PFKFB1: variants seen among roughly 807,000 people sequenced by gnomAD.
PFKFB1 encodes the protein 6-phosphofructo-2-kinase/fructose-2,6-bisphosphatase 1.
Under a neutral mutation model 46.4 loss-of-function variants are expected in PFKFB1, and 34 were observed. That is an observed-to-expected ratio of 0.73 (90% confidence interval 0.56 to 0.98). The LOEUF (loss-of-function observed/expected upper bound fraction) is 0.98, where lower values mean the gene tolerates loss of function less well. PFKFB1 is among the 50% of genes least tolerant of loss of function. PFKFB1 has a pLI of 0.00. For synonymous variants in PFKFB1, 119 were observed against 133.8 expected, an observed-to-expected ratio of 0.89 and a Z score of 0.76; for missense variants, 393 against 376.3, an observed-to-expected ratio of 1.04 and a Z score of -0.37.
At chrX:54,937,571 C>T (rs377097842) in intron 11 of PFKFB1, 24 bp downstream of exon 11, 18 of 1,193,126 alleles carry the variant, frequency 1.5e-5, no homozygotes, top group Non-Finnish European at 1.9e-5. Flanking sequence ...TCAAACATTC[C>T]CAAAGCAGAG....
chrX:54,935,263 C>T (rs971731566), intron 11 of PFKFB1, among the ~76,000 whole-genome samples: 3 of 111,800 alleles, frequency 2.7e-5, no homozygotes, highest in Non-Finnish European at 3.8e-5. Context: ...AGGGTTGGGC[C>T]GGCCACCCTG....
At chrX:54,991,989 A>G (rs1935254124) in intron 1 of PFKFB1, among the ~76,000 whole-genome samples, 1 of 112,290 alleles carries the variant, frequency 8.9e-6, no homozygotes, top group Non-Finnish European at 1.9e-5. Context: ...CAGACCTTAC[A>G]GGGACCAATA....
chrX:54,984,308 T>C (rs1935064268), intron 1 of PFKFB1, among the ~76,000 whole-genome samples: 1 of 111,685 alleles, frequency 9.0e-6, no homozygotes, highest in African/African-American at 3.2e-5. Flanking sequence ...CCCCCTAAAC[T>C]ACAGAAATTC....
At chrX:54,959,429 A>G (rs1004570332) in intron 4 of PFKFB1, among the ~76,000 whole-genome samples, 1 of 112,344 alleles carries the variant, frequency 8.9e-6, no homozygotes, top group African/African-American at 3.2e-5. Flanking sequence ...CAAAATATTG[A>G]CTAGATATTT....
chrX:54,977,204 T>C (rs1934861588), intron 1 of PFKFB1, among the ~76,000 whole-genome samples: 1 of 111,371 alleles, frequency 9.0e-6, no homozygotes, highest in African/African-American at 3.3e-5. Flanking sequence ...ATTACAAGTA[T>C]ATATATCATA....
chrX:54,978,168 A>T (rs1427789425), intron 1 of PFKFB1, among the ~76,000 whole-genome samples: 1 of 111,307 alleles, frequency 9.0e-6, no homozygotes, highest in Non-Finnish European at 1.9e-5. Context: ...TCTACTAAAA[A>T]TAGAACAGAA....
intron 1 of PFKFB1, among the ~76,000 whole-genome samples, chrX:54,969,114 G>A (rs1266151426): frequency 9.0e-6 from 1 of 111,395 alleles, no homozygotes; most frequent in Non-Finnish European, 1.9e-5. Flanking sequence ...AAACCCCATG[G>A]TATGGTTTGA....
At chrX:54,954,283 G>A (rs1050825905) in intron 7 of PFKFB1, among the ~76,000 whole-genome samples, 3 of 111,411 alleles carry the variant, frequency 2.7e-5, no homozygotes, top group Non-Finnish European at 3.8e-5. Context: ...GGAGGCCAAG[G>A]CGGGCAGATC....
chrX:54,935,032 C>G (rs1231845666), intron 11 of PFKFB1, 23 bp from the exon 12 acceptor site: 2 of 1,158,672 alleles, frequency 1.7e-6, no homozygotes, highest in Admixed American at 4.5e-5. Context: ...AGGAAGCAGC[C>G]CTCAGAGGCA....
intron 10 of PFKFB1, among the ~76,000 whole-genome samples, chrX:54,940,688 T>G (rs1378342639): frequency 9.0e-6 from 1 of 111,215 alleles, no homozygotes; most frequent in African/African-American, 3.3e-5. Flanking sequence ...TTACAAGGGA[T>G]GTGAAGGACC....
chrX:54,986,371 A>C (rs1361355858), intron 1 of PFKFB1, among the ~76,000 whole-genome samples: 2 of 112,558 alleles, frequency 1.8e-5, no homozygotes, highest in African/African-American at 6.4e-5. Flanking sequence ...TGCAAACAAC[A>C]ACCACAAGAA....
chrX:54,985,915 A>T (rs1935102223), intron 1 of PFKFB1, among the ~76,000 whole-genome samples: 1 of 111,368 alleles, frequency 9.0e-6, no homozygotes, highest in Admixed American at 9.6e-5. Flanking sequence ...AAAAATGATC[A>T]AATGAATTAA....
At chrX:54,962,185 G>A (rs187575067) in intron 2 of PFKFB1, among the ~76,000 whole-genome samples, 4 of 111,546 alleles carry the variant, frequency 3.6e-5, no homozygotes, top group African/African-American at 3.3e-5. Flanking sequence ...AAACCCGTCT[G>A]CCAGTGTCCC....
At chrX:54,937,538 T>C in intron 11 of PFKFB1, 57 bp downstream of exon 11, 1 of 1,074,383 alleles carries the variant, frequency 9.3e-7, no homozygotes, top group Non-Finnish European at 1.3e-6. Context: ...ATCTAATTGT[T>C]GGTGTCAGTG....
chrX:54,959,718 T>C (rs1227463307), intron 4 of PFKFB1, 109 bp downstream of exon 4: 2 of 512,661 alleles, frequency 3.9e-6, no homozygotes, highest in East Asian at 3.7e-5. Flanking sequence ...TATTAATATA[T>C]GCAAATACTC....
upstream of PFKFB1, chrX:54,998,402 C>T (rs1217631751): frequency 1.7e-6 from 2 of 1,147,429 alleles, no homozygotes; most frequent in Non-Finnish European, 2.3e-6. Flanking sequence ...TCTTTCTCAC[C>T]TACCTTTTAT....
chrX:54,951,847 C>T lies in PFKFB1; in HGVS notation c.846+58G>A. 3.9e-6 allele frequency: 4 copies of T among 1,024,257 alleles called. No individual in the cohort carries two copies. The South Asian group carries it at 8.2e-5, about 21-fold the overall frequency. The allele number at this position is 1,024,257 out of a possible 1,213,427, so 84.4% of individuals were successfully genotyped here. A position where few individuals can be genotyped will look rare whatever the true frequency, so the allele number is the denominator to read the frequency against. On this transcript the variant is annotated intron_variant, in intron 8 of 13. Coordinates refer to ENST00000375006, the MANE Select transcript of PFKFB1 (RefSeq NM_002625.4). ...ACCCAGAATGTGGCCACCACTACACCTGCAGCCCACCTAGGACAGCCCAGC... is the reference window on the plus strand; with the variant it reads ...ACCCAGAATGTGGCCACCACTACACTTGCAGCCCACCTAGGACAGCCCAGC...
chrX:54,946,415 G>A (rs1161766973), intron 9 of PFKFB1, among the ~76,000 whole-genome samples: 3 of 111,774 alleles, frequency 2.7e-5, no homozygotes, highest in African/African-American at 9.8e-5. Context: ...GGAAAGTGAT[G>A]TTGGGTTTCT....
At chrX:54,938,100 T>C (rs1402225692) in intron 10 of PFKFB1, among the ~76,000 whole-genome samples, 1 of 112,301 alleles carries the variant, frequency 8.9e-6, no homozygotes, top group African/African-American at 3.2e-5. Flanking sequence ...TAAGTGGATG[T>C]AGCAGCCACA....
Sources: gnomAD v4.1 joint callset for allele counts (sites outside exome capture counted in the v4.1 genomes callset) on GRCh38, gnomAD v4.1.1 for gene constraint, MANE v1.5 for transcripts, NCBI Gene and HGNC (gene_info 2026-07-23, HGNC 2026-07-21) for gene names.